TSHZ2: variants seen among roughly 807,000 people sequenced by gnomAD.
TSHZ2 encodes teashirt zinc finger homeobox 2.
TSHZ2 carries 21 observed loss-of-function variants against 74.4 expected under a neutral mutation model. That is an observed-to-expected ratio of 0.28 (90% CI 0.20 to 0.41). The LOEUF (loss-of-function observed/expected upper bound fraction) is 0.41. TSHZ2 is among the 10% of genes least tolerant of loss of function. The probability of loss-of-function intolerance (pLI) is 1.00; values close to 1 mark genes in which losing one functional copy is unlikely to be tolerated. For synonymous variants in TSHZ2, 540 were observed against 515.3 expected (o/e 1.05, Z -0.65); for missense variants, 1,244 against 1,293.5 (o/e 0.96, Z 0.59).
At chr20:53,443,888 G>A (rs1188965040) in intron 2 of TSHZ2, among the ~76,000 whole-genome samples, 2 of 152,180 alleles carry the variant, frequency 1.3e-5, no homozygotes, top group African/African-American at 4.8e-5. Context: ...ACTGCCTGTT[G>A]AAACCCGTGG....
chr20:53,401,932 G>A (rs1009678829), intron 2 of TSHZ2, among the ~76,000 whole-genome samples: 20 of 151,844 alleles, frequency 1.3e-4, no homozygotes, highest in Non-Finnish European at 2.4e-4. Context: ...ACAGGCACCC[G>A]CCACCATGCC....
At chr20:53,187,063 C>T (rs1411704445) in intron 1 of TSHZ2, among the ~76,000 whole-genome samples, 2 of 152,118 alleles carry the variant, frequency 1.3e-5, no homozygotes, top group African/African-American at 2.4e-5. Flanking sequence ...GAGGGAGCAA[C>T]CTAATCAATT....
intron 2 of TSHZ2, among the ~76,000 whole-genome samples, chr20:53,261,609 G>T (rs991319435): frequency 2.0e-5 from 3 of 152,144 alleles, no homozygotes; most frequent in African/African-American, 7.2e-5. Flanking sequence ...CTCCGTCTAT[G>T]CATCTCAGCC....
At chr20:53,085,259 G>A (rs1330427756) in intron 1 of TSHZ2, among the ~76,000 whole-genome samples, 2 of 152,104 alleles carry the variant, frequency 1.3e-5, no homozygotes, top group Admixed American at 6.5e-5. Context: ...CAGCTACTCG[G>A]GAGGCTGAGG....
chr20:53,461,837 T>A (rs1372174127), intron 2 of TSHZ2, among the ~76,000 whole-genome samples: 1 of 152,196 alleles, frequency 6.6e-6, no homozygotes, highest in Admixed American at 6.5e-5. Context: ...GTAAGAGATG[T>A]AAGTTATGGA....
chr20:53,442,104 G>A lies in TSHZ2; in HGVS notation c.*9-45040G>A, dbSNP rs143043164. Reference sequence around the variant, plus strand: ...GTAAGAAGGAGTAGATGAGGTTAGAGGAATGAGCAGGAATTTAGATTTTAT... The same window carrying A: ...GTAAGAAGGAGTAGATGAGGTTAGAAGAATGAGCAGGAATTTAGATTTTAT... On this transcript the variant is annotated intron_variant, in intron 2 of 2. Coordinates refer to ENST00000371497, the MANE Select transcript of TSHZ2 (RefSeq NM_173485.6). Among the ~76,000 whole-genome samples the A allele has an allele frequency of 6.3e-3, 955 of 152,246 alleles. 9 individuals are homozygous for A. The highest frequency in any genetic ancestry group is 0.022 in the African/African-American group (924 of 41,536).
At chr20:53,400,406 C>G (rs781582428) in intron 2 of TSHZ2, 4 of 152,316 alleles carry the variant, frequency 2.6e-5, no homozygotes, top group Non-Finnish European at 4.4e-5. Context: ...TTGCAATGGA[C>G]AGCATACGTC....
intron 1 of TSHZ2, among the ~76,000 whole-genome samples, chr20:53,008,268 G>T (rs1413884143): frequency 6.6e-6 from 1 of 152,148 alleles, no homozygotes. Flanking sequence ...ATGGTTAATT[G>T]GGTAATTGGG....
chr20:53,374,603 G>A (rs1237234753), intron 2 of TSHZ2, among the ~76,000 whole-genome samples: 5 of 152,102 alleles, frequency 3.3e-5, no homozygotes, highest in African/African-American at 9.7e-5. Flanking sequence ...ATTCCCACCA[G>A]CGGCATGTGA....
chr20:53,271,238 C>G (rs1990830767), intron 2 of TSHZ2, among the ~76,000 whole-genome samples: 1 of 152,132 alleles, frequency 6.6e-6, no homozygotes, highest in Admixed American at 6.5e-5. Flanking sequence ...AGTCTGGCCC[C>G]AGGGCTGAGT....
In TSHZ2 at chr20:53,300,215, C is replaced by T. The variant is rs113859431; in HGVS notation, c.*8+43644C>T. 9.2e-3 allele frequency among the ~76,000 whole-genome samples: 1,408 copies of T among 152,274 alleles called. 30 individuals are homozygous for T. Among genetic ancestry groups the T allele is most frequent in the African/African-American group, 0.032 (1,321 of 41,564 alleles). ...TTCTGTGGTATTGTTTCGTAATGAT[C>T]TTTAGGAGAGAGGGAAAAAAAACTG... is the stretch of plus-strand genomic sequence containing the variant. On this transcript the variant is annotated intron_variant, in intron 2 of 2. Transcript: ENST00000371497.
At chr20:53,186,685 C>T in intron 1 of TSHZ2, among the ~76,000 whole-genome samples, 1 of 152,160 alleles carries the variant, frequency 6.6e-6, no homozygotes. Context: ...CACCTCTCCT[C>T]TCTGCCACCC....
intron 1 of TSHZ2, among the ~76,000 whole-genome samples, chr20:53,091,175 A>C (rs1985875709): frequency 6.6e-6 from 1 of 152,258 alleles, no homozygotes; most frequent in East Asian, 1.9e-4. Flanking sequence ...TATTATCGCT[A>C]GATTGCCAAT....
intron 1 of TSHZ2, among the ~76,000 whole-genome samples, chr20:52,975,109 G>C (rs1364222830): frequency 6.6e-6 from 1 of 152,114 alleles, no homozygotes; most frequent in African/African-American, 2.4e-5. Context: ...TGAGACCCAG[G>C]AACAGTGAGC....
intron 2 of TSHZ2, among the ~76,000 whole-genome samples, chr20:53,484,408 CAG>C (rs1568938122): frequency 7.6e-6 from 1 of 131,382 alleles, no homozygotes; most frequent in Non-Finnish European, 1.6e-5. Context: ...TTTTTTAAGA[CAG>C]AGTCTCACTC....
chr20:53,169,278 G>T (rs1430907233), intron 1 of TSHZ2, among the ~76,000 whole-genome samples: 1 of 152,156 alleles, frequency 6.6e-6, no homozygotes, highest in African/African-American at 2.4e-5. Context: ...GCTGGGTTCA[G>T]CTCTTCCTCC....
chr20:53,073,173 C>T (rs1430025810), intron 1 of TSHZ2, among the ~76,000 whole-genome samples: 4 of 149,858 alleles, frequency 2.7e-5, no homozygotes, highest in Non-Finnish European at 5.9e-5. Context: ...TTCCTTCATC[C>T]ATCTATCCCT....
chr20:52,974,974 T>C (rs1981273640), intron 1 of TSHZ2, among the ~76,000 whole-genome samples: 1 of 152,218 alleles, frequency 6.6e-6, no homozygotes, highest in Admixed American at 6.5e-5. Flanking sequence ...TTTTCAACTC[T>C]AGTTACTTCT....
chr20:53,016,636 A>C (rs971685526), intron 1 of TSHZ2, among the ~76,000 whole-genome samples: 1 of 152,192 alleles, frequency 6.6e-6, no homozygotes, highest in Non-Finnish European at 1.5e-5. Context: ...TGAAATCAAG[A>C]AATGGAAATC....
Sources: gnomAD v4.1 joint callset for allele counts (sites outside exome capture counted in the v4.1 genomes callset) on GRCh38, gnomAD v4.1.1 for gene constraint, MANE v1.5 for transcripts, NCBI Gene and HGNC (gene_info 2026-07-23, HGNC 2026-07-21) for gene names.